Variants in KDR observed in about 807,000 individuals in gnomAD.
The protein encoded by KDR is vascular endothelial growth factor receptor 2.
KDR carries 43 observed loss-of-function variants against 160.9 expected under a neutral mutation model. The observed-to-expected ratio is 0.27, with a 90% CI of 0.21 to 0.34. The LOEUF (loss-of-function observed/expected upper bound fraction) is 0.34, where lower values mean the gene tolerates loss of function less well. Among genes scored for constraint, KDR ranks in the 10% least tolerant of loss-of-function variants. The pLI is 1.00. For missense variants in KDR, 1,469 were observed against 1,666.4 expected, an observed-to-expected ratio of 0.88 and a Z score of 2.06; for synonymous variants, 617 against 600.1, an observed-to-expected ratio of 1.03 and a Z score of -0.41.
At chr4:55,086,313 T>C (rs930241518) in intron 27 of KDR, among the ~76,000 whole-genome samples, 1 of 152,158 alleles carries the variant, frequency 6.6e-6, no homozygotes, top group Non-Finnish European at 1.5e-5. Flanking sequence ...AAAACAGCCA[T>C]TTTCAAACAG....
chr4:55,111,173 C>A (rs1211628639), intron 7 of KDR, among the ~76,000 whole-genome samples: 2 of 152,184 alleles, frequency 1.3e-5, no homozygotes, highest in African/African-American at 2.4e-5. Flanking sequence ...TCTTTATTTA[C>A]ACCTTCCTCT....
rs915264868 is a variant in KDR at position 55,084,512 on chromosome 4, C to T, written c.3663-1877G>A. ...AATTTTTTAAATGGCATGATCCTCTCATGATTGACAAAGCATTTTCACAGA... is the reference window on the plus strand; with the variant it reads ...AATTTTTTAAATGGCATGATCCTCTTATGATTGACAAAGCATTTTCACAGA... On this transcript the variant is annotated intron_variant, in intron 27 of 29. Coordinates refer to ENST00000263923, the MANE Select transcript of KDR (RefSeq NM_002253.4). Among the ~76,000 whole-genome samples, 14 of 152,310 alleles carry T rather than the reference C, an allele frequency of 9.2e-5. No homozygotes were observed. The East Asian group carries it at 2.3e-3, about 25-fold the overall frequency.
chr4:55,080,537 T>C (rs1719707454), intron 29 of KDR, among the ~76,000 whole-genome samples: 1 of 152,176 alleles, frequency 6.6e-6, no homozygotes, highest in African/African-American at 2.4e-5. Context: ...TTCAAGGAAA[T>C]TGGGATGTTC....
chr4:55,098,261 C>T lies in KDR; in HGVS notation c.2385G>A (p.Gly795=). Reference sequence around the variant, plus strand: ...TGGACAAGTAGCCTGTCTTCAGTTCCCCTCCATTGGCCTGGAAAGCATCAA... The same window carrying T: ...TGGACAAGTAGCCTGTCTTCAGTTCTCCTCCATTGGCCTGGAAAGCATCAA... ...ILRTVKRANG[G]ELKTGYLSIV... is the part of the protein sequence containing the mutation. The change falls in exon 17 of 30, where the codon GGG becomes GGA. Residue 795 remains glycine (G), a synonymous_variant. Coordinates refer to ENST00000263923, the MANE Select transcript of KDR (RefSeq NM_002253.4). 1 of 1,613,792 alleles carries T rather than the reference C, an allele frequency of 6.2e-7. No individual in the cohort carries two copies. The highest frequency in any genetic ancestry group is 8.5e-7 in the Non-Finnish European group (1 of 1,179,828).
rs368993683 is a variant in KDR at position 55,098,176 on chromosome 4, C to T, written c.2470G>A (p.Ala824Thr). The change falls in exon 17 of 30, where the codon GCC (alanine) becomes ACC (threonine). Residue 824 changes from alanine (A) to threonine (T), a missense_variant. Physicochemically the swap from Ala to Thr is moderately conservative, Grantham distance 58. Coordinates refer to ENST00000263923, the MANE Select transcript of KDR (RefSeq NM_002253.4). ...DEHCERLPYDASKWEFPRDRL... is the reference protein window; with the variant it reads ...DEHCERLPYDTSKWEFPRDRL... ...TCTCTGGGGAATTCCCATTTGCTGG[C>T]ATCATAAGGCAGTCGTTCACAATGT... is the stretch of plus-strand genomic sequence containing the variant. 49 of 1,613,850 alleles carry T rather than the reference C, an allele frequency of 3.0e-5. No individual in the cohort carries two copies. The highest frequency in any genetic ancestry group is 4.2e-5 in the Non-Finnish European group (49 of 1,179,896).
In KDR at chr4:55,095,777, T is replaced by A. The variant is rs111574609; in HGVS notation, c.2729-112A>T. On this transcript the variant is annotated intron_variant, in intron 19 of 29. Transcript: ENST00000263923. The stretch of plus-strand genomic sequence containing the variant: ...CTTAGAAGAAGGCTACAACCTTTCA[T>A]TGGGACAGGAGTGTAGAAATCAGCT... The A allele has an allele frequency of 2.6e-3, 1,947 of 757,038 alleles. 33 individuals carry two copies. The African/African-American group carries it at 0.029, about 11-fold the overall frequency. The allele number at this position is 757,038 out of a possible 1,614,324, so 46.9% of individuals were successfully genotyped here.
At chr4:55,098,514 C>T (rs769291772) in intron 16 of KDR, among the ~76,000 whole-genome samples, 183 bp downstream of exon 16, 9 of 152,046 alleles carry the variant, frequency 5.9e-5, no homozygotes, top group Non-Finnish European at 1.3e-4. Context: ...TCTCTAGTGG[C>T]TTCTATCAAT....
At chr4:55,099,527 A>G (rs552082153) in intron 15 of KDR, among the ~76,000 whole-genome samples, 1 of 152,346 alleles carries the variant, frequency 6.6e-6, no homozygotes, top group Non-Finnish European at 1.5e-5. Flanking sequence ...GAGGAAAACA[A>G]AAGTCTTCTT....
chr4:55,088,347 G>T (rs943779560), intron 26 of KDR, among the ~76,000 whole-genome samples: 5 of 152,164 alleles, frequency 3.3e-5, no homozygotes, highest in African/African-American at 1.2e-4. Context: ...CTGTTCAAAA[G>T]AAAAGAAAGA....
chr4:55,085,810 G>A (rs1228194888), intron 27 of KDR, among the ~76,000 whole-genome samples: 2 of 152,194 alleles, frequency 1.3e-5, no homozygotes, highest in East Asian at 1.9e-4. Context: ...TGTCACATTT[G>A]TCCACGCTTC....
chr4:55,079,979 G>C lies in KDR; in HGVS notation c.4033C>G (p.Pro1345Ala). 6.2e-7 allele frequency: 1 copy of C among 1,614,180 alleles called. No individual in the cohort carries two copies. The highest frequency in any genetic ancestry group is 8.5e-7 in the Non-Finnish European group (1 of 1,180,046). ...QTGSTAQILQPDSGTTLSSPP... is the reference protein window; with the variant it reads ...QTGSTAQILQADSGTTLSSPP... ...GAGCTCAGTGTGGTCCCCGAGTCAG[G>C]CTGGAGAATCTGGGCTGTGCTACCG... is the stretch of plus-strand genomic sequence containing the variant. The change falls in exon 30 of 30, where the codon CCT becomes GCT. Residue 1345 changes from proline (P) to alanine (A), a missense_variant. Coordinates refer to ENST00000263923, the MANE Select transcript of KDR (RefSeq NM_002253.4).
At chr4:55,096,999 T>C (rs1481209369) in intron 18 of KDR, among the ~76,000 whole-genome samples, 4 of 152,166 alleles carry the variant, frequency 2.6e-5, no homozygotes, top group Admixed American at 2.6e-4. Flanking sequence ...AGCTTTGAAA[T>C]GCACAAAACC....
rs190702227 is a variant in KDR at position 55,112,719 on chromosome 4, G to A, written c.976+585C>T. 2.4e-3 allele frequency among the ~76,000 whole-genome samples: 367 copies of A among 152,026 alleles called. 1 individual carries two copies. Among genetic ancestry groups the A allele is most frequent in the African/African-American group, 8.1e-3 (334 of 41,476 alleles). ...AATTTTTTGGATTTTTAGTAGAGAT[G>A]GGGTTCCACCATGTTGACCAGGCTG... On this transcript the variant is annotated intron_variant, in intron 7 of 29. Transcript: ENST00000263923.
intron 10 of KDR, 88 bp downstream of exon 10, chr4:55,107,649 C>T (rs1720477508): frequency 6.4e-7 from 1 of 1,556,526 alleles, no homozygotes; most frequent in African/African-American, 1.4e-5. Flanking sequence ...TTGGTTTAGG[C>T]TTCTCCATTT....
chr4:55,089,947 G>C lies in KDR; in HGVS notation c.3192+9C>G, dbSNP rs2110011474. The C allele has an allele frequency of 6.2e-7, 1 of 1,613,984 alleles. No homozygotes were observed. The highest frequency in any genetic ancestry group is 8.5e-7 in the Non-Finnish European group (1 of 1,179,926). On this transcript the variant is annotated intron_variant, in intron 23 of 29. Coordinates refer to ENST00000263923, the MANE Select transcript of KDR (RefSeq NM_002253.4). ...TTAACCAAGCACTGGGTTCATATTT[G>C]AAACTTACATCTCCTTTTCTGACAT...
chr4:55,119,251 T>C (rs183105490), intron 2 of KDR, among the ~76,000 whole-genome samples: 27 of 151,946 alleles, frequency 1.8e-4, no homozygotes, highest in South Asian at 1.2e-3. Flanking sequence ...CAGATTGACA[T>C]ATGATGAAAA....
intron 29 of KDR, 93 bp downstream of exon 29, chr4:55,081,863 C>A: frequency 1.2e-6 from 1 of 813,178 alleles, no homozygotes; most frequent in Non-Finnish European, 2.2e-6. Flanking sequence ...AACAAAGACC[C>A]CATAGGGAAA....
chr4:55,114,404 G>A, intron 5 of KDR, 139 bp from the exon 6 acceptor site: 1 of 861,534 alleles, frequency 1.2e-6, no homozygotes. Flanking sequence ...ATACTTGGTA[G>A]CTCCCAGGAA....
chr4:55,119,285 C>G (rs760260661), intron 2 of KDR, among the ~76,000 whole-genome samples: 30 of 151,950 alleles, frequency 2.0e-4, no homozygotes, highest in Non-Finnish European at 3.4e-4. Context: ...CTTCAGAAGT[C>G]ACTTATAAAG....
Sources: allele counts gnomAD v4.1 joint callset (sites outside exome capture counted in the v4.1 genomes callset), GRCh38; gene constraint gnomAD v4.1.1; transcripts MANE v1.5; gene names NCBI Gene and HGNC (gene_info 2026-07-23, HGNC 2026-07-21).